Variants in PDE1A observed in about 807,000 individuals in gnomAD.
PDE1A encodes the protein phosphodiesterase 1A, also known as dual specificity calcium/calmodulin-dependent 3',5'-cyclic nucleotide phosphodiesterase 1A.
PDE1A carries 35 observed loss-of-function variants against 61.7 expected under a neutral mutation model. That is an observed-to-expected ratio of 0.57 (90% CI 0.43 to 0.75). The LOEUF is 0.75. PDE1A is among the 30% of genes least tolerant of loss of function. PDE1A has a pLI of 0.00. For synonymous variants in PDE1A, 232 were observed against 213.2 expected, an observed-to-expected ratio of 1.09 and a Z score of -0.77; for missense variants, 597 against 630.6, an observed-to-expected ratio of 0.95 and a Z score of 0.57.
Position 182,426,766 on chromosome 2 carries a change from G to T in PDE1A, c.-136C>A. On this transcript the variant is annotated 5_prime_UTR_variant, in exon 1 of 14. Transcript: ENST00000351439. Reference sequence around the variant, plus strand: ...TAGTTTCCTCTTTCTCTTTTTGGGTGCTGGGAGAAAACTTCCCTGTTCTCT... The same window carrying T: ...TAGTTTCCTCTTTCTCTTTTTGGGTTCTGGGAGAAAACTTCCCTGTTCTCT... The T allele has an allele frequency of 4.0e-6, 6 of 1,491,826 alleles. No individual in the cohort carries two copies. The South Asian group carries it at 8.3e-5, about 21-fold the overall frequency. 92.4% of individuals were successfully genotyped at this position (1,491,826 alleles called of 1,614,324 possible).
At chr2:182,256,045 T>C (rs1486459366) in intron 2 of PDE1A, among the ~76,000 whole-genome samples, 3 of 150,270 alleles carry the variant, frequency 2.0e-5, no homozygotes, top group African/African-American at 4.9e-5. Flanking sequence ...CTTCTTTTTT[T>C]TTTTTTTTTT....
intron 2 of PDE1A, among the ~76,000 whole-genome samples, chr2:182,507,905 GA>G (rs1171672010): frequency 1.3e-5 from 2 of 151,796 alleles, no homozygotes; most frequent in African/African-American, 4.8e-5. Flanking sequence ...AAGAATGCTT[GA>G]AAAAAATACT....
intron 1 of PDE1A, among the ~76,000 whole-genome samples, chr2:182,362,446 A>T (rs1435679476): frequency 1.3e-5 from 2 of 152,048 alleles, no homozygotes; most frequent in Non-Finnish European, 2.9e-5. Context: ...ATAGACAATT[A>T]TAAGAATAAA....
chr2:182,405,701 C>A (rs1179292228), intron 1 of PDE1A, among the ~76,000 whole-genome samples: 1 of 152,030 alleles, frequency 6.6e-6, no homozygotes, highest in Non-Finnish European at 1.5e-5. Context: ...TTTTTTAAGA[C>A]CTTCTGCATA....
chr2:182,716,268 G>C, the PDE1A span: 1 of 152,406 alleles, frequency 6.6e-6, no homozygotes, highest in Non-Finnish European at 1.5e-5. Flanking sequence ...CCGGCTCGCC[G>C]TGGAGACCGG....
intron 1 of PDE1A, among the ~76,000 whole-genome samples, chr2:182,416,033 G>A (rs1702896698): frequency 6.6e-6 from 1 of 152,082 alleles, no homozygotes; most frequent in African/African-American, 2.4e-5. Flanking sequence ...AGTGTCCCGT[G>A]TCTCTTTCTC....
chr2:182,497,550 C>T (rs1301281991), intron 2 of PDE1A, among the ~76,000 whole-genome samples: 1 of 152,182 alleles, frequency 6.6e-6, no homozygotes, highest in Non-Finnish European at 1.5e-5. Flanking sequence ...AGAGGTTAAA[C>T]TTCTATTCTT....
At chr2:182,266,771 G>C (rs1692661958) in intron 1 of PDE1A, among the ~76,000 whole-genome samples, 1 of 152,090 alleles carries the variant, frequency 6.6e-6, no homozygotes, top group Admixed American at 6.6e-5. Context: ...GAATGCAGCG[G>C]AACTCTCTAA....
intron 7 of PDE1A, among the ~76,000 whole-genome samples, chr2:182,211,653 A>AT (rs1439157980): frequency 2.0e-5 from 3 of 152,208 alleles, no homozygotes; most frequent in African/African-American, 7.2e-5. Context: ...AACATGAAAT[A>AT]TCTGTCCCTG....
chr2:182,587,492 C>A, the PDE1A span, among the ~76,000 whole-genome samples: 1 of 152,170 alleles, frequency 6.6e-6, no homozygotes, highest in Non-Finnish European at 1.5e-5. Context: ...AAATGATTTG[C>A]CATTTTTCAC....
chr2:182,386,267 C>T (rs1701072485), intron 1 of PDE1A, among the ~76,000 whole-genome samples: 1 of 152,132 alleles, frequency 6.6e-6, no homozygotes, highest in Admixed American at 6.5e-5. Context: ...CAGCCGCCAC[C>T]CCGTCTGGGA....
chr2:182,692,827 T>G, the PDE1A span, among the ~76,000 whole-genome samples: 6 of 151,902 alleles, frequency 3.9e-5, no homozygotes, highest in Admixed American at 2.6e-4. Context: ...CATATCTGCC[T>G]CCTCTTGGGT....
At chr2:182,219,308 T>G (rs1688522050) in intron 7 of PDE1A, among the ~76,000 whole-genome samples, 1 of 151,636 alleles carries the variant, frequency 6.6e-6, no homozygotes, top group Admixed American at 6.6e-5. Flanking sequence ...TGAAATAAAT[T>G]GGTATACTTC....
intron 1 of PDE1A, among the ~76,000 whole-genome samples, chr2:182,275,228 G>A (rs546590306): frequency 6.6e-6 from 1 of 152,160 alleles, no homozygotes; most frequent in South Asian, 2.1e-4. Flanking sequence ...ACTGCCCACG[G>A]CAATCTTGAA....
intron 2 of PDE1A, among the ~76,000 whole-genome samples, chr2:182,472,492 G>A (rs1687089049): frequency 6.6e-6 from 1 of 151,882 alleles, no homozygotes; most frequent in Non-Finnish European, 1.5e-5. Flanking sequence ...CCTCATAAGT[G>A]GGAGCTAAAT....
chr2:182,476,407 C>T (rs1687367797), intron 2 of PDE1A, among the ~76,000 whole-genome samples: 1 of 151,954 alleles, frequency 6.6e-6, no homozygotes, highest in Non-Finnish European at 1.5e-5. Flanking sequence ...AGGAGAATCA[C>T]TTGAACCCAG....
chr2:182,581,121 T>A, the PDE1A span, among the ~76,000 whole-genome samples: 1 of 152,190 alleles, frequency 6.6e-6, no homozygotes, highest in Non-Finnish European at 1.5e-5. Flanking sequence ...ACAAGTGATT[T>A]AAAGTTGTAC....
chr2:182,496,186 C>A (rs906260913), intron 2 of PDE1A, among the ~76,000 whole-genome samples: 1 of 152,000 alleles, frequency 6.6e-6, no homozygotes, highest in African/African-American at 2.4e-5. Context: ...ACACTCACTG[C>A]AGAGATATTA....
At chr2:182,165,993 G>A (rs759199186), downstream of PDE1A, among the ~76,000 whole-genome samples, 5 of 152,114 alleles carry the variant, frequency 3.3e-5, no homozygotes, top group Non-Finnish European at 7.4e-5. Context: ...TCTGAGGATG[G>A]GATTAGTACA....
Sources: allele counts gnomAD v4.1 joint callset (sites outside exome capture counted in the v4.1 genomes callset), GRCh38; gene constraint gnomAD v4.1.1; transcripts MANE v1.5; gene names NCBI Gene and HGNC (gene_info 2026-07-23, HGNC 2026-07-21).